Variants in CHRM3 observed in about 807,000 individuals in gnomAD.
CHRM3 encodes muscarinic acetylcholine receptor M3.
CHRM3 carries 11 observed loss-of-function variants against 41.8 expected under a neutral mutation model. The ratio of observed to expected loss-of-function variants is 0.26; its 90% CI spans 0.17 to 0.44. CHRM3 has a LOEUF of 0.44. Ranked by LOEUF, CHRM3 falls within the 20% of genes least tolerant of loss-of-function variation. The probability of loss-of-function intolerance (pLI) is 1.00; values close to 1 mark genes in which losing one functional copy is unlikely to be tolerated. For synonymous variants in CHRM3, 297 were observed against 301.4 expected, an observed-to-expected ratio of 0.99 and a Z score of 0.15; for missense variants, 571 against 745.4, an observed-to-expected ratio of 0.77 and a Z score of 2.72.
At chr1:239,740,329 A>C (rs1664726725) in intron 5 of CHRM3, among the ~76,000 whole-genome samples, 3 of 152,098 alleles carry the variant, frequency 2.0e-5, no homozygotes, top group South Asian at 4.1e-4. Context: ...AATTTGGAAG[A>C]AAAATTGTTT....
In CHRM3 at chr1:239,698,765, TC is replaced by T. The variant is rs375304429; in HGVS notation, c.-147+20479del. Reference sequence around the variant, plus strand: ...ACGCTTACTGAGGGCCAACCATGTGTCCTCTGAGCTCTGACCAAGGTATACA... The same window carrying T: ...ACGCTTACTGAGGGCCAACCATGTGTCTCTGAGCTCTGACCAAGGTATACA... On this transcript the variant is annotated intron_variant, in intron 5 of 6. Transcript: ENST00000676153. Among the ~76,000 whole-genome samples the T allele has an allele frequency of 1.5e-4, 23 of 152,246 alleles. No individual in the cohort carries two copies. In the South Asian group the frequency reaches 4.8e-3, roughly 32 times the overall value.
intron 1 of CHRM3, among the ~76,000 whole-genome samples, chr1:239,419,749 A>G (rs1018147342): frequency 1.3e-4 from 20 of 152,220 alleles, no homozygotes; most frequent in African/African-American, 4.8e-4. Flanking sequence ...TATCATACAT[A>G]AAGATCAAAA....
At chr1:239,665,682 C>T (rs1573201280) in intron 4 of CHRM3, among the ~76,000 whole-genome samples, 1 of 152,168 alleles carries the variant, frequency 6.6e-6, no homozygotes, top group South Asian at 2.1e-4. Flanking sequence ...CCCCTTGCCC[C>T]CCGACTGGCC....
At chr1:239,544,248 C>T (rs1659071366) in intron 2 of CHRM3, among the ~76,000 whole-genome samples, 1 of 152,116 alleles carries the variant, frequency 6.6e-6, no homozygotes, top group Non-Finnish European at 1.5e-5. Flanking sequence ...GCAGTTTCTG[C>T]CTATAGACTT....
chr1:239,745,867 T>C (rs1193830702), intron 5 of CHRM3, among the ~76,000 whole-genome samples: 1 of 152,176 alleles, frequency 6.6e-6, no homozygotes, highest in Non-Finnish European at 1.5e-5. Flanking sequence ...AACAACTTTG[T>C]CTTGAAGGAG....
intron 3 of CHRM3, among the ~76,000 whole-genome samples, chr1:239,620,767 T>G (rs937227137): frequency 6.6e-6 from 1 of 152,012 alleles, no homozygotes; most frequent in Non-Finnish European, 1.5e-5. Context: ...AGTAAAAGAA[T>G]AGGGCACATC....
At chr1:239,406,534 C>T (rs1403285038) in intron 1 of CHRM3, among the ~76,000 whole-genome samples, 1 of 152,162 alleles carries the variant, frequency 6.6e-6, no homozygotes, top group African/African-American at 2.4e-5. Context: ...CCATTAACAT[C>T]GCCATTACTG....
chr1:239,852,434 A>C (rs1178229213), intron 6 of CHRM3, among the ~76,000 whole-genome samples: 1 of 152,146 alleles, frequency 6.6e-6, no homozygotes, highest in Admixed American at 6.6e-5. Context: ...TGTAATAATC[A>C]GGCATTTTAT....
chr1:239,836,259 T>C (rs1673305778), intron 6 of CHRM3, among the ~76,000 whole-genome samples: 1 of 152,212 alleles, frequency 6.6e-6, no homozygotes, highest in Admixed American at 6.5e-5. Context: ...CAAAGTCTTA[T>C]CCTCAGATCG....
intron 6 of CHRM3, among the ~76,000 whole-genome samples, chr1:239,845,367 G>T (rs2149193672): frequency 6.6e-6 from 1 of 152,228 alleles, no homozygotes; most frequent in South Asian, 2.1e-4. Flanking sequence ...GTTTGGGTTT[G>T]GGTTTTTTGA....
chr1:239,479,553 G>A (rs1286712507), intron 1 of CHRM3, among the ~76,000 whole-genome samples: 7 of 152,132 alleles, frequency 4.6e-5, no homozygotes, highest in African/African-American at 7.2e-5. Flanking sequence ...GTTCTTAGGC[G>A]ATTTTATTAT....
chr1:239,635,697 G>A (rs766637229), intron 4 of CHRM3, among the ~76,000 whole-genome samples: 11 of 152,090 alleles, frequency 7.2e-5, no homozygotes, highest in Admixed American at 1.3e-4. Context: ...GAATTCTGTC[G>A]CACCTGTTTA....
intron 5 of CHRM3, among the ~76,000 whole-genome samples, chr1:239,784,766 G>T (rs75903813): frequency 6.6e-5 from 10 of 151,648 alleles, no homozygotes; most frequent in African/African-American, 2.4e-4. Flanking sequence ...TATATTTTTA[G>T]TGACTGAATT....
intron 3 of CHRM3, among the ~76,000 whole-genome samples, chr1:239,583,870 A>C (rs1363420335): frequency 3.3e-5 from 5 of 152,046 alleles, no homozygotes; most frequent in Non-Finnish European, 7.4e-5. Context: ...TTAGAGAAAA[A>C]AAATGCTTTA....
rs1051909588 is a variant in CHRM3, at chr1:239,733,721, G to C, written c.-147+55433G>C. Among the ~76,000 whole-genome samples, 3 of 152,140 alleles carry C rather than the reference G, an allele frequency of 2.0e-5. No individual in the cohort carries two copies. In the East Asian group the frequency reaches 5.8e-4, roughly 30 times the overall value. ...GGAATTTAATTTTGAATTAAAGTAA[G>C]CTCAGCTGTTGCTTAATGTATGGCT... On this transcript the variant is annotated intron_variant, in intron 5 of 6. Transcript: ENST00000676153.
At chr1:239,588,399 T>C (rs1349074632) in intron 3 of CHRM3, among the ~76,000 whole-genome samples, 2 of 152,206 alleles carry the variant, frequency 1.3e-5, no homozygotes, top group African/African-American at 4.8e-5. Flanking sequence ...GTGTATGGCA[T>C]GCAGGAGACC....
intron 1 of CHRM3, among the ~76,000 whole-genome samples, chr1:239,453,225 A>T (rs1195484977): frequency 6.6e-6 from 1 of 152,212 alleles, no homozygotes; most frequent in Non-Finnish European, 1.5e-5. Context: ...TGACCTCTCC[A>T]TTATATTTCA....
intron 3 of CHRM3, among the ~76,000 whole-genome samples, chr1:239,617,440 T>G (rs1476425094): frequency 6.6e-6 from 1 of 152,112 alleles, no homozygotes; most frequent in African/African-American, 2.4e-5. Flanking sequence ...AGGGTGAATT[T>G]TTGGCCAGGC....
chr1:239,725,887 T>C (rs1189121839), intron 5 of CHRM3, among the ~76,000 whole-genome samples: 1 of 151,938 alleles, frequency 6.6e-6, no homozygotes, highest in East Asian at 1.9e-4. Context: ...GTACAGACTT[T>C]TCTTAAAATT....
Sources: gnomAD v4.1 joint callset for allele counts (sites outside exome capture counted in the v4.1 genomes callset) on GRCh38, gnomAD v4.1.1 for gene constraint, MANE v1.5 for transcripts, NCBI Gene and HGNC (gene_info 2026-07-23, HGNC 2026-07-21) for gene names.